EBF1: variants seen among roughly 807,000 people sequenced by gnomAD.
The protein encoded by EBF1 is transcription factor COE1.
In EBF1, 10 loss-of-function variants were observed where a neutral mutation model predicts 68.4. That is an observed-to-expected ratio of 0.15 (90% CI 0.09 to 0.25). The LOEUF (loss-of-function observed/expected upper bound fraction) is 0.25. EBF1 is among the 10% of genes least tolerant of loss of function. EBF1 has a pLI of 1.00. For missense variants in EBF1, 509 were observed against 794.4 expected (o/e 0.64, Z 4.32); for synonymous variants, 298 against 299.8 (o/e 0.99, Z 0.06).
chr5:158,806,257 C>T (rs192050656), intron 8 of EBF1, among the ~76,000 whole-genome samples: 121 of 152,164 alleles, frequency 8.0e-4, no homozygotes, highest in Non-Finnish European at 1.2e-3. Context: ...TGACAAGTTT[C>T]CCAGGCAAAC....
intron 10 of EBF1, among the ~76,000 whole-genome samples, chr5:158,773,724 G>A (rs1774383762): frequency 1.3e-5 from 2 of 152,106 alleles, no homozygotes; most frequent in Non-Finnish European, 2.9e-5. Context: ...AAAACTTTGA[G>A]GAAGCAGCTA....
intron 8 of EBF1, among the ~76,000 whole-genome samples, chr5:158,798,495 G>C (rs749565416): frequency 6.6e-6 from 1 of 152,044 alleles, no homozygotes; most frequent in Non-Finnish European, 1.5e-5. Flanking sequence ...GAGGTGGAAG[G>C]GGGTGTTTCT....
At chr5:159,077,460 G>T (rs1439441812) in intron 5 of EBF1, among the ~76,000 whole-genome samples, 1 of 151,988 alleles carries the variant, frequency 6.6e-6, no homozygotes, top group African/African-American at 2.4e-5. Flanking sequence ...AGAAATGACT[G>T]CCCTAGAGCA....
At chr5:159,089,579 G>T (rs1781264526) in intron 4 of EBF1, among the ~76,000 whole-genome samples, 1 of 152,088 alleles carries the variant, frequency 6.6e-6, no homozygotes, top group Non-Finnish European at 1.5e-5. Flanking sequence ...ATTGAACATG[G>T]TTTTTCTGTG....
intron 10 of EBF1, among the ~76,000 whole-genome samples, chr5:158,734,130 T>A (rs1447016061): frequency 6.6e-6 from 1 of 152,210 alleles, no homozygotes; most frequent in African/African-American, 2.4e-5. Flanking sequence ...TTACTTTTTT[T>A]AAACAAACAT....
chr5:158,813,071 A>C (rs1783001711), intron 8 of EBF1, among the ~76,000 whole-genome samples: 1 of 152,152 alleles, frequency 6.6e-6, no homozygotes, highest in Non-Finnish European at 1.5e-5. Context: ...CCTCTCTAAC[A>C]GCATTTCCCA....
At chr5:158,760,414 GC>G (rs1771157655) in intron 10 of EBF1, among the ~76,000 whole-genome samples, 1 of 151,960 alleles carries the variant, frequency 6.6e-6, no homozygotes, top group South Asian at 2.1e-4. Flanking sequence ...GATCTGTTCG[GC>G]CCCTAAATGA....
chr5:159,053,601 T>TCA (rs1219373537), intron 6 of EBF1, among the ~76,000 whole-genome samples: 22 of 137,886 alleles, frequency 1.6e-4, no homozygotes, highest in Non-Finnish European at 2.1e-4. Flanking sequence ...TCTCTCTCTC[T>TCA]CTCTCACACA....
At chr5:159,057,429 A>C (rs527938176) in intron 6 of EBF1, among the ~76,000 whole-genome samples, 1 of 152,194 alleles carries the variant, frequency 6.6e-6, no homozygotes, top group Non-Finnish European at 1.5e-5. Flanking sequence ...TTTCTGAGAA[A>C]CAATTTAACT....
intron 6 of EBF1, among the ~76,000 whole-genome samples, chr5:158,929,073 G>C (rs949893882): frequency 5.3e-5 from 8 of 152,138 alleles, no homozygotes; most frequent in African/African-American, 1.7e-4. Flanking sequence ...GAAAAGTCTA[G>C]ATTTTCTTTA....
At chr5:158,719,022 A>G (rs1480904866) in intron 11 of EBF1, among the ~76,000 whole-genome samples, 1 of 152,214 alleles carries the variant, frequency 6.6e-6, no homozygotes, top group Non-Finnish European at 1.5e-5. Context: ...ATTCTAAGAT[A>G]CAGTTACTGA....
chr5:158,815,880 A>C (rs182349077), intron 8 of EBF1, among the ~76,000 whole-genome samples: 4 of 152,348 alleles, frequency 2.6e-5, no homozygotes, highest in Non-Finnish European at 4.4e-5. Context: ...GCATCTTCTC[A>C]ACTGCACAAA....
chr5:159,029,773 G>A (rs1320089867), intron 6 of EBF1, among the ~76,000 whole-genome samples: 4 of 151,948 alleles, frequency 2.6e-5, no homozygotes, highest in African/African-American at 9.7e-5. Context: ...TGGCCAACAT[G>A]TGAAACCCCT....
At chr5:158,997,649 T>C (rs1445765180) in intron 6 of EBF1, among the ~76,000 whole-genome samples, 2 of 152,202 alleles carry the variant, frequency 1.3e-5, no homozygotes, top group African/African-American at 2.4e-5. Context: ...CCTTACGCCA[T>C]GCAAATTTAT....
chr5:158,935,948 C>T (rs1310957841), intron 6 of EBF1, among the ~76,000 whole-genome samples: 2 of 152,228 alleles, frequency 1.3e-5, no homozygotes, highest in East Asian at 1.9e-4. Flanking sequence ...TTGTCTGAGA[C>T]AGATCCCTCT....
rs760492043 is a variant in EBF1 at position 158,712,181 on chromosome 5, C to T, written c.1522G>A (p.Gly508Ser). 5 of 1,613,712 alleles carry T rather than the reference C, an allele frequency of 3.1e-6. No homozygotes were observed. In the South Asian group the frequency reaches 3.3e-5, roughly 11 times the overall value. Residue 508 changes from glycine (G) to serine (S), a missense_variant, in exon 14 of 16, where the codon GGC becomes AGC. By Grantham distance (56) the Gly-to-Ser change is moderately conservative (BLOSUM62 0). This residue lies in a region of EBF1 where 205 missense variants were observed against 247.4 expected (regional missense o/e 0.83). Transcript: ENST00000313708. The stretch of plus-strand genomic sequence containing the variant: ...GCATAGGGGGAGTTGGCAGCTGAGC[C>T]GTTGAGGAAGGTGGGGGAGCCGCCC... ...NLGGSPTFLN[G>S]SAANSPYAIV...
chr5:158,705,709 G>C (rs2127469473), intron 15 of EBF1, among the ~76,000 whole-genome samples: 1 of 152,302 alleles, frequency 6.6e-6, no homozygotes, highest in Non-Finnish European at 1.5e-5. Flanking sequence ...GAAGTCATAA[G>C]ATCTGAGCCC....
chr5:158,755,883 C>T (rs1489595627), intron 10 of EBF1, among the ~76,000 whole-genome samples: 4 of 152,072 alleles, frequency 2.6e-5, no homozygotes, highest in Non-Finnish European at 5.9e-5. Context: ...TGAAAGATCA[C>T]CTATGATTCT....
chr5:159,088,137 A>G (rs1362077018), intron 4 of EBF1, among the ~76,000 whole-genome samples: 1 of 152,160 alleles, frequency 6.6e-6, no homozygotes, highest in Non-Finnish European at 1.5e-5. Context: ...AACCTCATCA[A>G]AGCAGTTTTT....
Sources: allele counts gnomAD v4.1 joint callset (sites outside exome capture counted in the v4.1 genomes callset), GRCh38; gene constraint gnomAD v4.1.1; regional missense constraint gnomAD v4.1.1; transcripts MANE v1.5; gene names NCBI Gene and HGNC (gene_info 2026-07-23, HGNC 2026-07-21).